Variants in PDZRN4 observed in about 807,000 individuals in gnomAD.
PDZRN4 encodes PDZ domain containing ring finger 4, also known as PDZ domain-containing RING finger protein 4.
A neutral mutation model predicts 99.0 loss-of-function variants in PDZRN4; 70 were observed. The observed-to-expected ratio is 0.71, with a 90% CI of 0.58 to 0.86. The LOEUF (loss-of-function observed/expected upper bound fraction) is 0.86, where lower values mean the gene tolerates loss of function less well. Ranked by LOEUF, PDZRN4 falls within the 40% of genes least tolerant of loss-of-function variation. The pLI, the probability that PDZRN4 is intolerant of heterozygous loss-of-function variation, is 0.00. For missense variants in PDZRN4, 1,474 were observed against 1,331.2 expected, an observed-to-expected ratio of 1.11 and a Z score of -1.67; for synonymous variants, 551 against 501.6, an observed-to-expected ratio of 1.10 and a Z score of -1.32.
intron 3 of PDZRN4, among the ~76,000 whole-genome samples, chr12:41,279,410 C>T (rs1951369551): frequency 6.6e-6 from 1 of 152,116 alleles, no homozygotes; most frequent in African/African-American, 2.4e-5. Context: ...CGTGTTGGCC[C>T]AATTTATGAA....
chr12:41,325,661 A>G (rs1240532065), intron 3 of PDZRN4, among the ~76,000 whole-genome samples: 1 of 152,172 alleles, frequency 6.6e-6, no homozygotes, highest in African/African-American at 2.4e-5. Context: ...GTTTCTGTCA[A>G]AGATCATTTA....
intron 3 of PDZRN4, among the ~76,000 whole-genome samples, chr12:41,483,395 G>A (rs1006370714): frequency 6.6e-6 from 1 of 152,070 alleles, no homozygotes; most frequent in Non-Finnish European, 1.5e-5. Context: ...GTGCCACAGG[G>A]CTTGAACAGG....
At chr12:41,204,073 C>T (rs1401510937) in intron 3 of PDZRN4, among the ~76,000 whole-genome samples, 3 of 123,264 alleles carry the variant, frequency 2.4e-5, no homozygotes, top group African/African-American at 2.7e-5. Context: ...AGAAAAGTAC[C>T]AGAAGTATCT....
In PDZRN4 at chr12:41,193,397, A is replaced by G. The variant is rs144278307; in HGVS notation, c.736-684A>G. 3.4e-3 allele frequency among the ~76,000 whole-genome samples: 522 copies of G among 152,330 alleles called. 7 individuals are homozygous for G. The highest frequency in any genetic ancestry group is 0.012 in the African/African-American group (498 of 41,568). ...GATGTTGGATATTTTCCCCTAAATA[A>G]GCTTTGACTTCTTGTGACTGGCTAA... On this transcript the variant is annotated intron_variant, in intron 2 of 9. Transcript: ENST00000402685.
chr12:41,254,620 T>C (rs1951191730), intron 3 of PDZRN4, among the ~76,000 whole-genome samples: 1 of 152,246 alleles, frequency 6.6e-6, no homozygotes, highest in Non-Finnish European at 1.5e-5. Context: ...CCAGAAATTA[T>C]GCTGAGTATG....
At chr12:41,556,794 T>A (rs1210750110) in intron 7 of PDZRN4, among the ~76,000 whole-genome samples, 1 of 152,146 alleles carries the variant, frequency 6.6e-6, no homozygotes, top group African/African-American at 2.4e-5. Flanking sequence ...TGAAAGCCAG[T>A]TTCTATCCTA....
intron 8 of PDZRN4, among the ~76,000 whole-genome samples, chr12:41,564,731 G>T (rs1939334669): frequency 6.6e-6 from 1 of 151,922 alleles, no homozygotes; most frequent in African/African-American, 2.4e-5. Context: ...GGGGAAAAAA[G>T]CCCACAAAAC....
chr12:41,214,454 A>T, intron 3 of PDZRN4, among the ~76,000 whole-genome samples: 1 of 146,196 alleles, frequency 6.8e-6, no homozygotes, highest in African/African-American at 2.5e-5. Flanking sequence ...AAAAAAAGTT[A>T]TCTATTTGGG....
intron 3 of PDZRN4, among the ~76,000 whole-genome samples, chr12:41,331,465 C>T (rs1214114412): frequency 6.6e-6 from 1 of 151,914 alleles, no homozygotes; most frequent in Non-Finnish European, 1.5e-5. Context: ...GAAAAGGACT[C>T]TAAGCACCTG....
At chr12:41,191,379 G>A in intron 1 of PDZRN4, 79 bp from the exon 2 acceptor site, 1 of 725,650 alleles carries the variant, frequency 1.4e-6, no homozygotes, top group Admixed American at 2.3e-5. Context: ...TTAACTTACA[G>A]TACATAAAAA....
intron 3 of PDZRN4, among the ~76,000 whole-genome samples, chr12:41,423,452 A>G (rs1952508557): frequency 6.6e-6 from 1 of 152,078 alleles, no homozygotes; most frequent in Non-Finnish European, 1.5e-5. Context: ...AGCTCCATCC[A>G]TGTCTCCGCA....
intron 5 of PDZRN4, among the ~76,000 whole-genome samples, chr12:41,537,462 A>T (rs1216474403): frequency 1.3e-5 from 2 of 152,130 alleles, no homozygotes; most frequent in Non-Finnish European, 2.9e-5. Flanking sequence ...TTTTGTGAGG[A>T]GGAAGAGGAA....
At chr12:41,497,528 C>A (rs1196872307) in intron 3 of PDZRN4, among the ~76,000 whole-genome samples, 1 of 152,030 alleles carries the variant, frequency 6.6e-6, no homozygotes, top group Non-Finnish European at 1.5e-5. Flanking sequence ...TAGTTGTTAG[C>A]CAACCATTTC....
intron 3 of PDZRN4, among the ~76,000 whole-genome samples, chr12:41,490,007 A>G (rs1937852795): frequency 1.3e-5 from 2 of 150,476 alleles, no homozygotes; most frequent in African/African-American, 5.0e-5. Context: ...TGATCTGGGC[A>G]TTAAAAGTCA....
At chr12:41,283,599 G>A (rs1228142992) in intron 3 of PDZRN4, among the ~76,000 whole-genome samples, 5 of 152,054 alleles carry the variant, frequency 3.3e-5, no homozygotes, top group East Asian at 1.9e-4. Flanking sequence ...ACATCAATGC[G>A]AAAATCCTCA....
intron 3 of PDZRN4, among the ~76,000 whole-genome samples, chr12:41,419,397 AC>A (rs1952472337): frequency 1.3e-5 from 2 of 152,188 alleles, no homozygotes; most frequent in South Asian, 4.2e-4. Context: ...CTTAGAACAG[AC>A]CCAAGTGCCC....
chr12:41,505,098 T>C (rs1242700970), intron 3 of PDZRN4, among the ~76,000 whole-genome samples: 2 of 152,130 alleles, frequency 1.3e-5, no homozygotes, highest in Non-Finnish European at 2.9e-5. Context: ...CACACACATA[T>C]TCCTTGTCTA....
In PDZRN4 at chr12:41,552,742, T is replaced by C. The variant is rs1939080624; in HGVS notation, c.1290T>C (p.Ile430=). The change falls in exon 6 of 10, where the codon ATT becomes ATC. Residue 430 remains isoleucine (I), a synonymous_variant. Transcript: ENST00000402685. ...YRTDDEEDTG[I]YVSEVDPNSI... is the part of the protein sequence containing the mutation. ...CAGATGATGAAGAAGACACCGGCATTTATGTCAGCGAGGTAAGAAACGCCA... is the reference window on the plus strand; with the variant it reads ...CAGATGATGAAGAAGACACCGGCATCTATGTCAGCGAGGTAAGAAACGCCA... 6.2e-7 allele frequency: 1 copy of C among 1,613,208 alleles called. No individual in the cohort carries two copies. The highest frequency in any genetic ancestry group is 1.3e-5 in the African/African-American group (1 of 74,984).
intron 3 of PDZRN4, among the ~76,000 whole-genome samples, chr12:41,247,324 T>G (rs1006176440): frequency 6.8e-6 from 1 of 147,332 alleles, no homozygotes; most frequent in African/African-American, 2.4e-5. Flanking sequence ...CCTGAGGAGC[T>G]GCTAGATAGG....
Sources: gnomAD v4.1 joint callset for allele counts (sites outside exome capture counted in the v4.1 genomes callset) on GRCh38, gnomAD v4.1.1 for gene constraint, MANE v1.5 for transcripts, NCBI Gene and HGNC (gene_info 2026-07-23, HGNC 2026-07-21) for gene names.